Variants in SCIMP observed in about 807,000 individuals in gnomAD.
SCIMP encodes the protein SLP adapter and CSK-interacting membrane protein.
In SCIMP, 18 loss-of-function variants were observed where a neutral mutation model predicts 22.0. The ratio of observed to expected loss-of-function variants is 0.82; its 90% CI spans 0.56 to 1.21. SCIMP has a LOEUF of 1.21. Among genes scored for constraint, SCIMP ranks in the 50% most tolerant of loss-of-function variants. The probability of loss-of-function intolerance (pLI) is 0.00; values close to 1 mark genes in which losing one functional copy is unlikely to be tolerated. For synonymous variants in SCIMP, 53 were observed against 62.2 expected (o/e 0.85, Z 0.70); for missense variants, 155 against 171.2 (o/e 0.91, Z 0.53).
In SCIMP at chr17:5,208,934, G is replaced by A. The variant is rs1474922003; in HGVS notation, c.*1867C>T. On this transcript the variant is annotated 3_prime_UTR_variant, in exon 5 of 5. Coordinates refer to ENST00000574081, the MANE Select transcript of SCIMP (RefSeq NM_207103.3). ...AAGAATCAACATTTGTCTGGCATTT[G>A]TTTTTAACTTTTGTCATAGTCATGG... 6.6e-6 allele frequency: 1 copy of A among 152,202 alleles called. No homozygotes were observed. Among genetic ancestry groups the A allele is most frequent in the African/African-American group, 2.4e-5 (1 of 41,426 alleles). 9.4% of individuals were successfully genotyped at this position (152,202 alleles called of 1,614,324 possible).
chr17:5,218,468 T>C (rs1057186159), intron 3 of SCIMP, among the ~76,000 whole-genome samples: 3 of 152,154 alleles, frequency 2.0e-5, no homozygotes, highest in African/African-American at 7.2e-5. Flanking sequence ...GCCTCCCAAG[T>C]AGCTGGGATT....
At chr17:5,219,707 T>A (rs903045465) in intron 3 of SCIMP, among the ~76,000 whole-genome samples, 4 of 152,146 alleles carry the variant, frequency 2.6e-5, no homozygotes, top group Non-Finnish European at 5.9e-5. Context: ...ATAATGTGGT[T>A]TATGGTGAAT....
chr17:5,232,035 G>C (rs190522947), intron 1 of SCIMP, among the ~76,000 whole-genome samples: 16 of 150,708 alleles, frequency 1.1e-4, no homozygotes, highest in Admixed American at 3.4e-4. Context: ...CAGCCTGGGC[G>C]ACAGAGCGAG....
chr17:5,209,936 C>T lies in SCIMP; in HGVS notation c.*865G>A, dbSNP rs1283440337. 1 of 152,094 alleles carries T rather than the reference C, an allele frequency of 6.6e-6. No individual in the cohort carries two copies. Among genetic ancestry groups the T allele is most frequent in the East Asian group, 1.9e-4 (1 of 5,182 alleles). The allele number at this position is 152,094 out of a possible 1,614,324, so 9.4% of individuals were successfully genotyped here. A position where few individuals can be genotyped will look rare whatever the true frequency, so the allele number is the denominator to read the frequency against. On this transcript the variant is annotated 3_prime_UTR_variant, in exon 5 of 5. Transcript: ENST00000574081. ...AATGATGGACAGGGGATATTAAGCC[C>T]CCTGAACTCTCATCTTGTATATGCC...
At chr17:5,227,293 A>C (rs11651660) in intron 1 of SCIMP, among the ~76,000 whole-genome samples, 19 of 1,992 alleles carry the variant, frequency 9.5e-3, no homozygotes, top group Non-Finnish European at 0.017. Flanking sequence ...CACACACACA[A>C]CACACACACA....
At chr17:5,232,641 G>A (rs1031941142) in intron 1 of SCIMP, among the ~76,000 whole-genome samples, 7 of 152,110 alleles carry the variant, frequency 4.6e-5, no homozygotes, top group Non-Finnish European at 1.5e-5. Flanking sequence ...AGCAGTTCTT[G>A]CCCCAGTTCA....
intron 1 of SCIMP, chr17:5,233,976 C>T (rs2074723203): frequency 6.6e-6 from 1 of 152,186 alleles, no homozygotes; most frequent in African/African-American, 2.4e-5. Flanking sequence ...GGTCTTTCAT[C>T]CAAGAGCCCC....
At chr17:5,222,235 G>A (rs372476786) in intron 2 of SCIMP, among the ~76,000 whole-genome samples, 43 of 151,586 alleles carry the variant, frequency 2.8e-4, no homozygotes, top group African/African-American at 8.7e-4. Flanking sequence ...GACTACAGGC[G>A]CCTGCCACCA....
In SCIMP at chr17:5,231,988, G is replaced by C. The variant is rs79129533; in HGVS notation, c.21+2747C>G. On this transcript the variant is annotated intron_variant, in intron 1 of 4. Transcript: ENST00000574081. ...GGAGAATGGCGTGAACCCGGGAGGCGGAGCTTGCAGTGAGCCGAGATTGCG... is the reference window on the plus strand; with the variant it reads ...GGAGAATGGCGTGAACCCGGGAGGCCGAGCTTGCAGTGAGCCGAGATTGCG... 4.6e-5 allele frequency among the ~76,000 whole-genome samples: 7 copies of C among 152,008 alleles called. No individual in the cohort carries two copies. The East Asian group carries it at 1.4e-3, about 30-fold the overall frequency.
At chr17:5,227,285 C>T (rs371837152) in intron 1 of SCIMP, among the ~76,000 whole-genome samples, 89 of 99,054 alleles carry the variant, frequency 9.0e-4, no homozygotes, top group Admixed American at 4.1e-3. Flanking sequence ...TATATACACA[C>T]ACACACAACA....
chr17:5,221,991 C>G (rs1340888333), intron 2 of SCIMP, among the ~76,000 whole-genome samples: 1 of 151,848 alleles, frequency 6.6e-6, no homozygotes, highest in East Asian at 1.9e-4. Context: ...CCAGGCTGGT[C>G]TTGAACTCCC....
rs1193919393 is a variant in SCIMP, at chr17:5,209,339, G to C, written c.*1462C>G. 1 of 152,166 alleles carries C rather than the reference G, an allele frequency of 6.6e-6. No individual in the cohort carries two copies. The highest frequency in any genetic ancestry group is 1.5e-5 in the Non-Finnish European group (1 of 68,074). 9.4% of individuals were successfully genotyped at this position (152,166 alleles called of 1,614,324 possible). On this transcript the variant is annotated 3_prime_UTR_variant, in exon 5 of 5. Transcript: ENST00000574081. ...AGTAGAAATGGGGTTTCTCCATGTT[G>C]GTCAGGCTGGTCTCGAACTCCCGAC...
At chr17:5,222,504 T>A (rs1377718549) in intron 2 of SCIMP, among the ~76,000 whole-genome samples, 24 of 152,198 alleles carry the variant, frequency 1.6e-4, no homozygotes, top group Admixed American at 1.2e-3. Context: ...AATCTAAAGT[T>A]AGTGTTAATC....
At chr17:5,215,702 T>C (rs2144311884) in intron 3 of SCIMP, among the ~76,000 whole-genome samples, 1 of 152,302 alleles carries the variant, frequency 6.6e-6, no homozygotes, top group South Asian at 2.1e-4. Flanking sequence ...TTTCCACTAC[T>C]GGGTCTACAG....
chr17:5,224,889 G>A (rs1476031246), intron 1 of SCIMP, among the ~76,000 whole-genome samples: 1 of 152,170 alleles, frequency 6.6e-6, no homozygotes, highest in Non-Finnish European at 1.5e-5. Context: ...TCAGAAGGGT[G>A]AAGCTGAAGA....
At position 5,224,372 on chromosome 17, in the gene SCIMP, C is replaced by T. The variant is rs528358093; in HGVS notation, c.22-916G>A. On this transcript the variant is annotated intron_variant, in intron 1 of 4. Transcript: ENST00000574081. ...CAGGATAGTCTCGATCTCCTGACCTCGTGATCTGCCTGCCTCGGCCTCCCA... is the reference window on the plus strand; with the variant it reads ...CAGGATAGTCTCGATCTCCTGACCTTGTGATCTGCCTGCCTCGGCCTCCCA... Among the ~76,000 whole-genome samples, 6 of 151,540 alleles carry T rather than the reference C, an allele frequency of 4.0e-5. No individual in the cohort carries two copies. The East Asian group carries it at 5.9e-4, about 15-fold the overall frequency.
intron 4 of SCIMP, among the ~76,000 whole-genome samples, chr17:5,212,847 G>A (rs1463273760): frequency 6.6e-6 from 1 of 152,120 alleles, no homozygotes; most frequent in Non-Finnish European, 1.5e-5. Flanking sequence ...ATTAATAGTG[G>A]TGGACAAAAA....
chr17:5,221,400 A>G (rs1314879408), intron 2 of SCIMP, 50 bp from the exon 3 acceptor site: 9 of 1,399,592 alleles, frequency 6.4e-6, no homozygotes, highest in Non-Finnish European at 9.1e-6. Context: ...AAAAGTTGTG[A>G]TTTTTTAATT....
chr17:5,232,064 A>C (rs554482654), intron 1 of SCIMP, among the ~76,000 whole-genome samples: 4 of 151,976 alleles, frequency 2.6e-5, no homozygotes, highest in African/African-American at 7.2e-5. Context: ...TCAAAAACAA[A>C]AAAAAAAAAC....
Sources: gnomAD v4.1 joint callset for allele counts (sites outside exome capture counted in the v4.1 genomes callset) on GRCh38, gnomAD v4.1.1 for gene constraint, MANE v1.5 for transcripts, NCBI Gene and HGNC (gene_info 2026-07-23, HGNC 2026-07-21) for gene names.